The following RBFOX1 variants were observed in gnomAD, a reference collection of about 807,000 sequenced individuals.
The protein encoded by RBFOX1 is RNA binding fox-1 homolog 1.
Under a neutral mutation model 57.7 loss-of-function variants are expected in RBFOX1, and 8 were observed. That is an observed-to-expected ratio of 0.14 (90% CI 0.08 to 0.25). The LOEUF (loss-of-function observed/expected upper bound fraction) is 0.25. RBFOX1 is among the 10% of genes least tolerant of loss of function. The probability of loss-of-function intolerance (pLI) is 1.00; values close to 1 mark genes in which losing one functional copy is unlikely to be tolerated. For synonymous variants in RBFOX1, 326 were observed against 222.4 expected, an observed-to-expected ratio of 1.47 and a Z score of -4.15; for missense variants, 611 against 548.5, an observed-to-expected ratio of 1.11 and a Z score of -1.14.
At chr16:6,288,947 G>T (rs2077176847) in intron 1 of RBFOX1, among the ~76,000 whole-genome samples, 1 of 152,114 alleles carries the variant, frequency 6.6e-6, no homozygotes, top group Non-Finnish European at 1.5e-5. Context: ...TCACCCCCAG[G>T]AGGGTATAGA....
intron 2 of RBFOX1, among the ~76,000 whole-genome samples, chr16:6,608,976 C>G (rs78208302): frequency 7.9e-4 from 121 of 152,274 alleles, no homozygotes; most frequent in African/African-American, 2.9e-3. Context: ...CAAAGCCAGC[C>G]ATGGCCAGGC....
intron 4 of RBFOX1, among the ~76,000 whole-genome samples, chr16:7,329,655 A>C (rs1305555715): frequency 6.6e-6 from 1 of 152,252 alleles, no homozygotes; most frequent in Non-Finnish European, 1.5e-5. Flanking sequence ...ATACAGGACA[A>C]TAATATATAA....
At chr16:6,691,608 G>A (rs540666504) in intron 3 of RBFOX1, among the ~76,000 whole-genome samples, 1 of 152,160 alleles carries the variant, frequency 6.6e-6, no homozygotes, top group African/African-American at 2.4e-5. Context: ...AAGAAAGAAT[G>A]TGTGCCTCCA....
At chr16:5,812,579 C>T (rs1388687175) in intron 3 of RBFOX1, among the ~76,000 whole-genome samples, 4 of 151,718 alleles carry the variant, frequency 2.6e-5, no homozygotes, top group African/African-American at 9.7e-5. Context: ...CTCCCCTTAG[C>T]CTTCCAAGCA....
chr16:5,730,810 A>C (rs1487389760), intron 3 of RBFOX1, among the ~76,000 whole-genome samples: 5 of 151,896 alleles, frequency 3.3e-5, no homozygotes, highest in African/African-American at 1.2e-4. Context: ...ACCAACATCA[A>C]CACTGCCATT....
At chr16:6,641,842 A>G (rs968718136) in intron 2 of RBFOX1, among the ~76,000 whole-genome samples, 1 of 150,502 alleles carries the variant, frequency 6.6e-6, no homozygotes, top group African/African-American at 2.5e-5. Context: ...CCTCCTCGCT[A>G]ACGTGTTTCC....
At chr16:5,899,073 C>G (rs887252490) in intron 4 of RBFOX1, among the ~76,000 whole-genome samples, 4 of 148,588 alleles carry the variant, frequency 2.7e-5, no homozygotes, top group Non-Finnish European at 4.4e-5. Flanking sequence ...CTCTCTTATT[C>G]CAGATCACAA....
chr16:5,410,770 C>T (rs1225521990), intron 1 of RBFOX1, among the ~76,000 whole-genome samples: 2 of 111,478 alleles, frequency 1.8e-5, no homozygotes, highest in African/African-American at 4.0e-5. Flanking sequence ...ATGCCCTGTC[C>T]TCTCCTTTCT....
chr16:7,609,240 A>G (rs909389177), intron 10 of RBFOX1, among the ~76,000 whole-genome samples: 3 of 152,102 alleles, frequency 2.0e-5, no homozygotes, highest in African/African-American at 7.2e-5. Context: ...TCTTGTGGGG[A>G]GGAAGGGTAT....
At chr16:6,887,486 C>G (rs2064342785) in intron 3 of RBFOX1, among the ~76,000 whole-genome samples, 1 of 152,118 alleles carries the variant, frequency 6.6e-6, no homozygotes, top group South Asian at 2.1e-4. Flanking sequence ...CTGGCTTTTT[C>G]TATCCCTGGA....
intron 4 of RBFOX1, among the ~76,000 whole-genome samples, chr16:5,930,961 GATGGATGGATGC>G (rs1223070869): frequency 4.9e-4 from 71 of 145,502 alleles, no homozygotes; most frequent in Non-Finnish European, 9.4e-4. Context: ...TGGGAGGGTG[GATGGATGGATGC>G]ATGGATGGAT....
At chr16:6,995,326 G>T (rs939303073) in intron 3 of RBFOX1, among the ~76,000 whole-genome samples, 1 of 149,260 alleles carries the variant, frequency 6.7e-6, no homozygotes. Context: ...GTGTGTGTGT[G>T]TGTGTTAGAA....
intron 2 of RBFOX1, among the ~76,000 whole-genome samples, chr16:6,583,350 A>C (rs960399279): frequency 6.6e-6 from 1 of 152,178 alleles, no homozygotes; most frequent in African/African-American, 2.4e-5. Context: ...TTGCGTGCAG[A>C]GCAATGGGCC....
intron 1 of RBFOX1, among the ~76,000 whole-genome samples, chr16:5,242,772 C>A (rs139462722): frequency 1.3e-5 from 2 of 152,050 alleles, no homozygotes; most frequent in African/African-American, 4.8e-5. Context: ...AATGTTCTTT[C>A]TCATCACCAG....
chr16:7,370,702 A>C (rs184708185), intron 4 of RBFOX1, among the ~76,000 whole-genome samples: 1 of 152,320 alleles, frequency 6.6e-6, no homozygotes, highest in East Asian at 1.9e-4. Flanking sequence ...TTTGAAAGGG[A>C]CTTGTGAACT....
intron 3 of RBFOX1, among the ~76,000 whole-genome samples, chr16:5,855,701 A>C (rs115310564): frequency 1.5e-3 from 231 of 152,172 alleles, no homozygotes; most frequent in African/African-American, 5.3e-3. Flanking sequence ...TATTATAGCT[A>C]TTAGGGGATT....
intron 3 of RBFOX1, among the ~76,000 whole-genome samples, chr16:6,808,628 A>G (rs1288293526): frequency 1.3e-5 from 2 of 152,104 alleles, no homozygotes; most frequent in African/African-American, 2.4e-5. Context: ...TAAATTTTGA[A>G]TAGATAATAG....
chr16:6,790,442 C>A (rs976910400), intron 3 of RBFOX1, among the ~76,000 whole-genome samples: 1 of 152,100 alleles, frequency 6.6e-6, no homozygotes, highest in African/African-American at 2.4e-5. Context: ...ACCTCGGCCT[C>A]CCAAAGTGCT....
chr16:7,255,025 T>G (rs1458562466), intron 4 of RBFOX1, among the ~76,000 whole-genome samples: 2 of 152,222 alleles, frequency 1.3e-5, no homozygotes, highest in Non-Finnish European at 2.9e-5. Context: ...GTGTGCATAA[T>G]TTTGGAACTT....
Sources: gnomAD v4.1 joint callset for allele counts (sites outside exome capture counted in the v4.1 genomes callset) on GRCh38, gnomAD v4.1.1 for gene constraint, MANE v1.5 for transcripts, NCBI Gene and HGNC (gene_info 2026-07-23, HGNC 2026-07-21) for gene names.